The following SLC22A2 variants were observed in gnomAD, a reference collection of about 807,000 sequenced individuals.
The protein encoded by SLC22A2 is organic cation transporter 2.
SLC22A2 carries 46 observed loss-of-function variants against 60.5 expected under a neutral mutation model. That is an observed-to-expected ratio of 0.76 (90% CI 0.60 to 0.97). The LOEUF (loss-of-function observed/expected upper bound fraction) is 0.97, where lower values mean the gene tolerates loss of function less well. Among genes scored for constraint, SLC22A2 ranks in the 50% least tolerant of loss-of-function variants. The pLI is 0.00. For synonymous variants in SLC22A2, 303 were observed against 267.0 expected (o/e 1.13, Z -1.31); for missense variants, 701 against 706.6 (o/e 0.99, Z 0.09).
intron 2 of SLC22A2, among the ~76,000 whole-genome samples, chr6:160,255,674 G>C (rs1432435928): frequency 6.6e-6 from 1 of 152,014 alleles, no homozygotes; most frequent in Non-Finnish European, 1.5e-5. Flanking sequence ...TGCTGATTAA[G>C]GGGAATACTA....
At chr6:160,236,726 G>T (rs1420248564) in intron 9 of SLC22A2, among the ~76,000 whole-genome samples, 1 of 152,146 alleles carries the variant, frequency 6.6e-6, no homozygotes, top group African/African-American at 2.4e-5. Flanking sequence ...CCTGTACAGG[G>T]TTCCTGACCT....
intron 7 of SLC22A2, 48 bp downstream of exon 7, chr6:160,243,524 T>C: frequency 7.3e-7 from 1 of 1,361,762 alleles, no homozygotes; most frequent in East Asian, 2.3e-5. Flanking sequence ...TGACACTCCC[T>C]TTCTCCAGGG....
Position 160,258,535 on chromosome 6 carries a change from C to T in SLC22A2, c.223G>A (p.Val75Met), listed in dbSNP as rs1783317137. The T allele has an allele frequency of 2.5e-6, 4 of 1,613,918 alleles. No homozygotes were observed. In the African/African-American group the frequency reaches 4.0e-5, roughly 16 times the overall value. The change falls in exon 1 of 11, where the codon GTG (valine) becomes ATG (methionine). Residue 75 changes from valine (V) to methionine (M), a missense_variant. Val to Met is a conservative substitution (Grantham distance 21). Coordinates refer to ENST00000366953, the MANE Select transcript of SLC22A2 (RefSeq NM_003058.4). ...TCGCCCGCAGGTCCTGGGCCCGGCA[C>T]CGTGTAGTTCAGTTCCTCTGCAGGA... ...WSPAEELNYT[V>M]PGPGPAGEAS... is the part of the protein sequence containing the mutation.
chr6:160,243,641 G>C lies in SLC22A2; in HGVS notation c.1210C>G (p.Arg404Gly). 6.2e-7 allele frequency: 1 copy of C among 1,614,034 alleles called. No individual in the cohort carries two copies. Among genetic ancestry groups the C allele is most frequent in the Middle Eastern group, 1.7e-4 (1 of 6,060 alleles). ...IILTIDRIGR[R>G]YPWAASNMVA... ...ATATTTGATGCAGCCCAAGGGTAAC[G>C]GCGTCCGATGCGGTCGATGGTGAGG... The change falls in exon 7 of 11, where the codon CGT (arginine) becomes GGT (glycine). Residue 404 changes from arginine to glycine, a missense_variant. Coordinates refer to ENST00000366953, the MANE Select transcript of SLC22A2 (RefSeq NM_003058.4).
intron 9 of SLC22A2, among the ~76,000 whole-genome samples, chr6:160,240,314 G>C (rs745777707): frequency 6.6e-6 from 1 of 152,132 alleles, no homozygotes; most frequent in African/African-American, 2.4e-5. Context: ...AGAGAAAATG[G>C]GAGTAAAGAA....
chr6:160,232,831 C>T (rs1782846778), intron 9 of SLC22A2, among the ~76,000 whole-genome samples: 1 of 151,910 alleles, frequency 6.6e-6, no homozygotes, highest in South Asian at 2.1e-4. Flanking sequence ...TCTGACCACT[C>T]CCACCTACTC....
In SLC22A2 at chr6:160,238,520, T is replaced by C. The variant is rs115236010; in HGVS notation, c.1501+2954A>G. 5.3e-3 allele frequency among the ~76,000 whole-genome samples: 801 copies of C among 152,364 alleles called. 8 individuals are homozygous for C. Among genetic ancestry groups the C allele is most frequent in the African/African-American group, 0.019 (772 of 41,594 alleles). ...GCCTAGTTAACCAGAATAATCCTTGTTGATTTTTCCAGTGCTCTTTCAGCC... is the reference window on the plus strand; with the variant it reads ...GCCTAGTTAACCAGAATAATCCTTGCTGATTTTTCCAGTGCTCTTTCAGCC... On this transcript the variant is annotated intron_variant, in intron 9 of 10. Transcript: ENST00000366953.
intron 9 of SLC22A2, among the ~76,000 whole-genome samples, chr6:160,238,972 T>G (rs1583395790): frequency 6.6e-6 from 1 of 151,920 alleles, no homozygotes; most frequent in Middle Eastern, 3.4e-3. Flanking sequence ...TCCCAGGAGG[T>G]TAGGCATTCT....
intron 10 of SLC22A2, among the ~76,000 whole-genome samples, chr6:160,224,279 C>T (rs1439505732): frequency 7.8e-6 from 1 of 128,684 alleles, no homozygotes; most frequent in Non-Finnish European, 1.6e-5. Flanking sequence ...GAATTATTTG[C>T]TCAAATCTGT....
chr6:160,232,396 C>T (rs952716840), intron 9 of SLC22A2, among the ~76,000 whole-genome samples: 1 of 151,822 alleles, frequency 6.6e-6, no homozygotes, highest in Non-Finnish European at 1.5e-5. Context: ...ACCGCTCTGC[C>T]CCCCACTATC....
intron 9 of SLC22A2, among the ~76,000 whole-genome samples, chr6:160,231,371 C>T (rs1224167158): frequency 1.3e-5 from 2 of 151,650 alleles, no homozygotes; most frequent in African/African-American, 2.4e-5. Context: ...CCTCTTGTAT[C>T]CCCCAACCTT....
intron 10 of SLC22A2, among the ~76,000 whole-genome samples, chr6:160,221,367 G>T (rs1782642017): frequency 6.6e-6 from 1 of 152,190 alleles, no homozygotes; most frequent in South Asian, 2.1e-4. Flanking sequence ...TTGGCTTAAG[G>T]GAATGTTGTG....
At chr6:160,255,022 A>T (rs1051247394) in intron 2 of SLC22A2, among the ~76,000 whole-genome samples, 1 of 152,170 alleles carries the variant, frequency 6.6e-6, no homozygotes, top group Non-Finnish European at 1.5e-5. Flanking sequence ...GTGCAGAGAG[A>T]GTGAATGCCT....
intron 9 of SLC22A2, among the ~76,000 whole-genome samples, chr6:160,238,164 G>A (rs1316165822): frequency 1.3e-5 from 2 of 152,198 alleles, no homozygotes; most frequent in Non-Finnish European, 2.9e-5. Context: ...TCCTTCTTGT[G>A]TGAGATCCAA....
chr6:160,242,061 G>T (rs1046737769), intron 8 of SLC22A2, among the ~76,000 whole-genome samples: 2 of 152,028 alleles, frequency 1.3e-5, no homozygotes, highest in Non-Finnish European at 2.9e-5. Flanking sequence ...TGTAGCCATT[G>T]GGTAATCCCT....
chr6:160,217,498 T>C lies in SLC22A2; in HGVS notation c.1602A>G (p.Arg534=). 6.4e-7 allele frequency: 1 copy of C among 1,566,010 alleles called. No individual in the cohort carries two copies. The highest frequency in any genetic ancestry group is 1.7e-5 in the Admixed American group (1 of 59,676). ...TCATCTTTTCTTTATTTTTTCTTGG[T>C]CTGCAATAAGAAATAAAAATGGAGA... The part of the protein sequence containing the change: ...ETIEEAENMQ[R]PRKNKEKMIY... The change falls in exon 11 of 11, where the codon AGA becomes AGG. Residue 534 remains arginine, a splice_region_variant and synonymous_variant. Transcript: ENST00000366953.
chr6:160,243,724 A>G lies in SLC22A2; in HGVS notation c.1127T>C (p.Ile376Thr). ...GGCAGAGTAGAAGAAATCCAGGTAG[A>G]TATTGTCACCTGCAAGGCCCATGTG... The part of the protein sequence containing the change: ...IMHMGLAGDN[I>T]YLDFFYSALV... Residue 376 changes from isoleucine (I) to threonine (T), a missense_variant, in exon 7 of 11, where the codon ATC becomes ACC. By Grantham distance (89) the Ile-to-Thr change is moderately conservative. Transcript: ENST00000366953. 1 of 1,614,000 alleles carries G rather than the reference A, an allele frequency of 6.2e-7. No individual in the cohort carries two copies. The highest frequency in any genetic ancestry group is 8.5e-7 in the Non-Finnish European group (1 of 1,179,916).
rs1049836737 is a variant in SLC22A2 at position 160,241,698 on chromosome 6, A to G, written c.1389-112T>C. ...AATAATTAAAATGTTCAAGAGCTATAGTGTACACTGCTCAGGTGACGGGTG... is the reference window on the plus strand; with the variant it reads ...AATAATTAAAATGTTCAAGAGCTATGGTGTACACTGCTCAGGTGACGGGTG... On this transcript the variant is annotated intron_variant, in intron 8 of 10. Transcript: ENST00000366953. The G allele has an allele frequency of 3.7e-5, 25 of 681,794 alleles. No individual in the cohort carries two copies. In the Admixed American group the frequency reaches 6.0e-4, roughly 16 times the overall value. 42.2% of individuals were successfully genotyped at this position (681,794 alleles called of 1,614,324 possible).
rs267600884 is a variant in SLC22A2 at position 160,258,719 on chromosome 6, C to T, written c.39G>A (p.Gly13=). 1.3e-6 allele frequency: 2 copies of T among 1,588,720 alleles called. No individual in the cohort carries two copies. Among genetic ancestry groups the T allele is most frequent in the Admixed American group, 1.7e-5 (1 of 58,468 alleles). The change falls in exon 1 of 11, where the codon GGG becomes GGA. Residue 13 remains glycine (G), a synonymous_variant. Coordinates refer to ENST00000366953, the MANE Select transcript of SLC22A2 (RefSeq NM_003058.4). ...TTTGCTTCTGGAAAAAGTGAAACTCCCCTCCATGCTCCAGGACATCGTCCA... is the reference window on the plus strand; with the variant it reads ...TTTGCTTCTGGAAAAAGTGAAACTCTCCTCCATGCTCCAGGACATCGTCCA... ...TTVDDVLEHG[G]EFHFFQKQMF... is the part of the protein sequence containing the mutation.
Sources: allele counts gnomAD v4.1 joint callset (sites outside exome capture counted in the v4.1 genomes callset), GRCh38; gene constraint gnomAD v4.1.1; transcripts MANE v1.5; gene names NCBI Gene and HGNC (gene_info 2026-07-23, HGNC 2026-07-21).